SGCD: variants seen among roughly 807,000 people sequenced by gnomAD.
SGCD encodes the protein sarcoglycan delta.
A neutral mutation model predicts 36.6 loss-of-function variants in SGCD; 18 were observed. That is an observed-to-expected ratio of 0.49 (90% CI 0.34 to 0.73). The LOEUF (loss-of-function observed/expected upper bound fraction) is 0.73, where lower values mean the gene tolerates loss of function less well. SGCD is among the 30% of genes least tolerant of loss of function. SGCD has a pLI of 0.01. For synonymous variants in SGCD, 133 were observed against 130.6 expected (o/e 1.02, Z -0.12); for missense variants, 387 against 346.7 (o/e 1.12, Z -0.92).
chr5:156,387,360 C>A (rs1771328934), intron 3 of SGCD, among the ~76,000 whole-genome samples: 1 of 152,066 alleles, frequency 6.6e-6, no homozygotes, highest in Admixed American at 6.6e-5. Context: ...CATGCTACAC[C>A]CTGGCAAATG....
At chr5:156,135,188 T>C (rs954653300) in intron 3 of SGCD, among the ~76,000 whole-genome samples, 1 of 152,218 alleles carries the variant, frequency 6.6e-6, no homozygotes, top group Non-Finnish European at 1.5e-5. Context: ...TTGATTCTTT[T>C]TGGATTTTCT....
intron 3 of SGCD, among the ~76,000 whole-genome samples, chr5:156,319,750 C>T (rs528615101): frequency 1.3e-5 from 2 of 152,294 alleles, no homozygotes; most frequent in South Asian, 2.1e-4. Context: ...GACCATATCA[C>T]GTCTTCTTTT....
At chr5:156,613,157 A>G (rs903248534) in intron 6 of SGCD, among the ~76,000 whole-genome samples, 2 of 152,072 alleles carry the variant, frequency 1.3e-5, no homozygotes, top group African/African-American at 4.8e-5. Context: ...GTATTTCCTC[A>G]GTCACTCCAG....
At chr5:156,303,532 A>G (rs1767115784) in intron 3 of SGCD, among the ~76,000 whole-genome samples, 1 of 151,666 alleles carries the variant, frequency 6.6e-6, no homozygotes, top group African/African-American at 2.4e-5. Context: ...TTCTTTCCTC[A>G]AGCAGAAGGA....
Position 156,381,432 on chromosome 5 carries a change from C to T in SGCD, c.192+36755C>T, listed in dbSNP as rs113354872. Among the ~76,000 whole-genome samples, 45 of 152,250 alleles carry T rather than the reference C, an allele frequency of 3.0e-4. No homozygotes were observed. In the South Asian group the frequency reaches 8.3e-3, roughly 28 times the overall value. ...GGTCTTTTATACAGAATACGAATCTCGAGCTCTACCCTGGGGATGGTAGTT... is the reference window on the plus strand; with the variant it reads ...GGTCTTTTATACAGAATACGAATCTTGAGCTCTACCCTGGGGATGGTAGTT... On this transcript the variant is annotated intron_variant, in intron 3 of 8. Coordinates refer to ENST00000337851, the MANE Select transcript of SGCD (RefSeq NM_000337.6).
intron 3 of SGCD, among the ~76,000 whole-genome samples, chr5:156,494,217 CT>C (rs1358425217): frequency 1.3e-5 from 2 of 152,056 alleles, no homozygotes; most frequent in African/African-American, 4.8e-5. Context: ...TACACATAGC[CT>C]TCCAAGAGAG....
chr5:156,652,832 T>C, intron 7 of SGCD, among the ~76,000 whole-genome samples: 1 of 152,138 alleles, frequency 6.6e-6, no homozygotes, highest in Non-Finnish European at 1.5e-5. Flanking sequence ...TGAATGCTTT[T>C]TCTATATCTC....
At chr5:156,512,427 G>A (rs1006361884) in intron 4 of SGCD, among the ~76,000 whole-genome samples, 3 of 152,068 alleles carry the variant, frequency 2.0e-5, no homozygotes, top group African/African-American at 4.8e-5. Context: ...ATAAAGGTTT[G>A]TAGCCTAGGA....
At chr5:156,026,186 T>C (rs933393335) in intron 1 of SGCD, among the ~76,000 whole-genome samples, 3 of 152,204 alleles carry the variant, frequency 2.0e-5, no homozygotes, top group Non-Finnish European at 4.4e-5. Flanking sequence ...ATACTTGTTG[T>C]TAGATTGACA....
Position 156,071,892 on chromosome 5 carries a change from C to G in SGCD, c.-281-45986C>G, listed in dbSNP as rs548705645. On this transcript the variant is annotated intron_variant, in intron 1 of 9. Coordinates refer to the SGCD transcript ENST00000517913. ...CCCTTTACCATTATGTAATGGCCTTCTTTGTCTCTTTTGATCTTTGTTGGT... is the reference window on the plus strand; with the variant it reads ...CCCTTTACCATTATGTAATGGCCTTGTTTGTCTCTTTTGATCTTTGTTGGT... Among the ~76,000 whole-genome samples, 615 of 152,258 alleles carry G rather than the reference C, an allele frequency of 4.0e-3. 4 individuals are homozygous for G. Among genetic ancestry groups the G allele is most frequent in the Non-Finnish European group, 6.1e-3 (417 of 68,016 alleles).
At chr5:156,317,362 G>T (rs1170593729) in intron 3 of SGCD, among the ~76,000 whole-genome samples, 1 of 152,084 alleles carries the variant, frequency 6.6e-6, no homozygotes, top group Non-Finnish European at 1.5e-5. Flanking sequence ...GGAGAACTCA[G>T]GGATAAGACA....
chr5:155,864,376 G>A, the SGCD span, among the ~76,000 whole-genome samples: 30 of 152,122 alleles, frequency 2.0e-4, no homozygotes. Context: ...GTGTTTATCA[G>A]GAAGGCTGTG....
the SGCD span, among the ~76,000 whole-genome samples, chr5:155,858,695 T>A: frequency 6.6e-6 from 1 of 152,322 alleles, no homozygotes; most frequent in African/African-American, 2.4e-5. Context: ...CAATGTGTGA[T>A]AAAAATCCCA....
chr5:156,613,812 T>C (rs1222113367), intron 6 of SGCD, among the ~76,000 whole-genome samples: 1 of 152,236 alleles, frequency 6.6e-6, no homozygotes, highest in East Asian at 1.9e-4. Context: ...GCTCAGCTTT[T>C]AGTATTTTGC....
chr5:155,898,430 C>A (rs150062259), intron 1 of SGCD, among the ~76,000 whole-genome samples: 1 of 152,220 alleles, frequency 6.6e-6, no homozygotes. Context: ...AGTTCATAGT[C>A]TTTTAGATGA....
intron 3 of SGCD, among the ~76,000 whole-genome samples, chr5:156,276,727 T>C (rs1390377672): frequency 6.6e-6 from 1 of 152,150 alleles, no homozygotes. Context: ...AAGCTCTCTG[T>C]TATGAAAACA....
At chr5:156,335,461 G>A (rs1768299661) in intron 2 of SGCD, among the ~76,000 whole-genome samples, 1 of 152,098 alleles carries the variant, frequency 6.6e-6, no homozygotes, top group African/African-American at 2.4e-5. Context: ...CTCATATCCT[G>A]GAGTCTTAAA....
In SGCD at chr5:156,732,297, T is replaced by A. The variant is rs1469415270; in HGVS notation, c.576-25284T>A. ...TATGGGTCTAATACTTAGTTTATCG[T>A]GTTTTTAACATGAATGGATGTTGAA... is the stretch of plus-strand genomic sequence containing the variant. On this transcript the variant is annotated intron_variant, in intron 7 of 8. Transcript: ENST00000337851. Among the ~76,000 whole-genome samples, 6 of 150,756 alleles carry A rather than the reference T, an allele frequency of 4.0e-5. No homozygotes were observed. In the East Asian group the frequency reaches 1.2e-3, roughly 29 times the overall value.
intron 1 of SGCD, among the ~76,000 whole-genome samples, chr5:155,972,150 AT>A (rs1050943140): frequency 3.9e-5 from 6 of 152,122 alleles, no homozygotes; most frequent in Non-Finnish European, 7.4e-5. Flanking sequence ...TTTTAAGAAT[AT>A]TTTCTGGCCA....
Sources: gnomAD v4.1 joint callset for allele counts (sites outside exome capture counted in the v4.1 genomes callset) on GRCh38, gnomAD v4.1.1 for gene constraint, MANE v1.5 for transcripts, NCBI Gene and HGNC (gene_info 2026-07-23, HGNC 2026-07-21) for gene names.